The following SPATA13 variants were observed in gnomAD, a reference collection of about 807,000 sequenced individuals.
The protein encoded by SPATA13 is spermatogenesis-associated protein 13.
Under a neutral mutation model 104.0 loss-of-function variants are expected in SPATA13, and 50 were observed. The observed-to-expected ratio is 0.48, with a 90% CI of 0.38 to 0.61. The LOEUF is 0.61. SPATA13 is among the 20% of genes least tolerant of loss of function. The pLI is 0.00. For missense variants in SPATA13, 1,524 were observed against 1,690.6 expected, an observed-to-expected ratio of 0.90 and a Z score of 1.73; for synonymous variants, 606 against 667.5, an observed-to-expected ratio of 0.91 and a Z score of 1.42.
At chr13:24,023,772 A>T (rs1284986000) in intron 3 of SPATA13, among the ~76,000 whole-genome samples, 1 of 152,198 alleles carries the variant, frequency 6.6e-6, no homozygotes, top group African/African-American at 2.4e-5. Context: ...AAGCTGGGAA[A>T]TTGATACTCC....
At chr13:24,189,367 T>A (rs1198773056) in intron 1 of SPATA13, among the ~76,000 whole-genome samples, 1 of 150,796 alleles carries the variant, frequency 6.6e-6, no homozygotes, top group East Asian at 1.9e-4. Flanking sequence ...CCAGCAACTC[T>A]GGAGGCTGAG....
At chr13:24,149,090 G>C (rs1220332586) in intron 3 of SPATA13, among the ~76,000 whole-genome samples, 1 of 152,202 alleles carries the variant, frequency 6.6e-6, no homozygotes, top group East Asian at 1.9e-4. Flanking sequence ...TGGGCAAAAG[G>C]GGGGCAGGAA....
chr13:24,095,563 A>AT lies in SPATA13; in HGVS notation c.-112+77863dup, dbSNP rs1880047413. 2.0e-5 allele frequency among the ~76,000 whole-genome samples: 3 copies of AT among 152,346 alleles called. No individual in the cohort carries two copies. In the South Asian group the frequency reaches 6.2e-4, roughly 32 times the overall value. On this transcript the variant is annotated intron_variant, in intron 3 of 14. Coordinates refer to the SPATA13 transcript ENST00000424834. ...AGCTATACGTTTAGAAATGGTTATG[A>AT]TGGTAAATATGTATATTTTGCCACA...
intron 3 of SPATA13, among the ~76,000 whole-genome samples, chr13:24,029,688 T>C (rs1877388328): frequency 6.6e-6 from 1 of 152,126 alleles, no homozygotes; most frequent in Non-Finnish European, 1.5e-5. Flanking sequence ...ACTTGTGTCA[T>C]GGGGGTTTGT....
intron 2 of SPATA13, among the ~76,000 whole-genome samples, chr13:23,996,624 C>T (rs1341304951): frequency 1.4e-5 from 2 of 142,488 alleles, no homozygotes; most frequent in Admixed American, 7.1e-5. Context: ...GGCTGATTGG[C>T]TGAGATTTGG....
intron 3 of SPATA13, among the ~76,000 whole-genome samples, chr13:24,023,046 C>T (rs1229607635): frequency 2.6e-5 from 4 of 152,088 alleles, no homozygotes; most frequent in East Asian, 1.9e-4. Context: ...TCCTTCAACC[C>T]GTCATTTACA....
chr13:24,139,417 G>A (rs77430965), intron 3 of SPATA13, among the ~76,000 whole-genome samples: 1 of 152,280 alleles, frequency 6.6e-6, no homozygotes, highest in African/African-American at 2.4e-5. Context: ...CAAACAGGAC[G>A]TTCTGACAGA....
intron 1 of SPATA13, among the ~76,000 whole-genome samples, chr13:24,162,080 C>G (rs144525764): frequency 6.6e-6 from 1 of 152,136 alleles, no homozygotes. Context: ...TGTCATGCAC[C>G]CTCCCTGTTC....
intron 4 of SPATA13, among the ~76,000 whole-genome samples, chr13:24,269,741 A>ATTTTTTTTT (rs71070673): frequency 2.6e-5 from 2 of 75,912 alleles, no homozygotes; most frequent in Non-Finnish European, 4.5e-5. Context: ...GCTAATATAA[A>ATTTTTTTTT]TTTTTTTTTT....
rs1347928190 is a variant in SPATA13 at position 24,306,686 on chromosome 13, T to G, written c.*3913T>G. The stretch of plus-strand genomic sequence containing the variant: ...GATACAAGTTTACTTAGCTACAACA[T>G]ACTTTACATTGTTGCCTTTAGTTAT... On this transcript the variant is annotated 3_prime_UTR_variant, in exon 13 of 13. Coordinates refer to ENST00000382108, the MANE Select transcript of SPATA13 (RefSeq NM_001166271.3). 1.3e-5 allele frequency: 2 copies of G among 152,244 alleles called. No individual in the cohort carries two copies. Among genetic ancestry groups the G allele is most frequent in the Non-Finnish European group, 2.9e-5 (2 of 68,040 alleles). The allele number at this position is 152,244 out of a possible 1,614,324, so 9.4% of individuals were successfully genotyped here. A position where few individuals can be genotyped will look rare whatever the true frequency, so the allele number is the denominator to read the frequency against.
intron 3 of SPATA13, among the ~76,000 whole-genome samples, chr13:24,018,656 G>C (rs186068536): frequency 6.6e-6 from 1 of 152,236 alleles, no homozygotes; most frequent in Admixed American, 6.5e-5. Context: ...TGTTTTAGCA[G>C]AGGGTTACTT....
At chr13:24,239,482 C>T (rs1243887911) in intron 2 of SPATA13, among the ~76,000 whole-genome samples, 1 of 151,702 alleles carries the variant, frequency 6.6e-6, no homozygotes, top group Non-Finnish European at 1.5e-5. Flanking sequence ...ATCCCTTGAA[C>T]CCAGGAGTTT....
chr13:24,088,032 C>T lies in SPATA13; in HGVS notation c.-112+70331C>T, dbSNP rs908466638. On this transcript the variant is annotated intron_variant, in intron 3 of 14. Coordinates refer to the SPATA13 transcript ENST00000424834. The surrounding 1 kb of genome is among the most constrained non-coding windows in gnomAD (Gnocchi z 4.3). ...ATTTAGTAACAATTTTATAATGTCT[C>T]AACAGCTGCTTTTTACCCTCTAATT... is the stretch of plus-strand genomic sequence containing the variant. 2.0e-5 allele frequency among the ~76,000 whole-genome samples: 3 copies of T among 152,216 alleles called. No homozygotes were observed. Among genetic ancestry groups the T allele is most frequent in the African/African-American group, 7.2e-5 (3 of 41,446 alleles).
At chr13:24,284,648 A>G (rs1239006147) in intron 5 of SPATA13, among the ~76,000 whole-genome samples, 1 of 152,172 alleles carries the variant, frequency 6.6e-6, no homozygotes, top group Non-Finnish European at 1.5e-5. Context: ...TGGGCGACAG[A>G]GCGAGACTCC....
intron 3 of SPATA13, among the ~76,000 whole-genome samples, chr13:24,097,900 A>T (rs1880133952): frequency 6.6e-6 from 1 of 152,238 alleles, no homozygotes; most frequent in African/African-American, 2.4e-5. Flanking sequence ...AAAGGGACAG[A>T]CAACCATGGG....
chr13:24,240,332 A>G (rs1184698996), intron 2 of SPATA13, among the ~76,000 whole-genome samples: 1 of 152,038 alleles, frequency 6.6e-6, no homozygotes, highest in East Asian at 1.9e-4. Flanking sequence ...TCGTGTTACT[A>G]TTGATTTTGA....
At chr13:24,016,254 G>C (rs1180362254) in intron 2 of SPATA13, among the ~76,000 whole-genome samples, 1 of 152,140 alleles carries the variant, frequency 6.6e-6, no homozygotes, top group Non-Finnish European at 1.5e-5. Flanking sequence ...CCCCTGGAGT[G>C]CTCCATCCTC....
intron 7 of SPATA13, 77 bp from the exon 8 acceptor site, chr13:24,288,922 T>C (rs1876142825): frequency 7.7e-7 from 1 of 1,295,660 alleles, no homozygotes; most frequent in Admixed American, 2.6e-5. Flanking sequence ...TTCATGGCTT[T>C]AGGCCTACAA....
chr13:24,116,950 C>A lies in SPATA13; in HGVS notation c.-112+99249C>A, dbSNP rs527876442. ...GACACAGTGAGAAGGCAGCTGTCTG[C>A]AAGCTGGGAAGAGAGTACTGACCAG... On this transcript the variant is annotated intron_variant, in intron 3 of 14. Transcript: ENST00000424834. Among the ~76,000 whole-genome samples, 254 of 152,314 alleles carry A rather than the reference C, an allele frequency of 1.7e-3. 1 individual carries two copies. Among genetic ancestry groups the A allele is most frequent in the Non-Finnish European group, 3.4e-3 (234 of 68,018 alleles).
Sources: gnomAD v4.1 joint callset for allele counts (sites outside exome capture counted in the v4.1 genomes callset) on GRCh38, gnomAD v4.1.1 for gene constraint, Gnocchi (gnomAD v3.1) non-coding constraint, MANE v1.5 for transcripts, NCBI Gene and HGNC (gene_info 2026-07-23, HGNC 2026-07-21) for gene names.